Variants in IFFO2 observed in about 807,000 individuals in gnomAD.
The protein encoded by IFFO2 is intermediate filament family orphan 2.
Under a neutral mutation model 53.5 loss-of-function variants are expected in IFFO2, and 19 were observed. The ratio of observed to expected loss-of-function variants is 0.36; its 90% CI spans 0.25 to 0.52. The LOEUF (loss-of-function observed/expected upper bound fraction) is 0.52. Among genes scored for constraint, IFFO2 ranks in the 20% least tolerant of loss-of-function variants. IFFO2 has a pLI of 0.94. For synonymous variants in IFFO2, 303 were observed against 313.6 expected, an observed-to-expected ratio of 0.97 and a Z score of 0.36; for missense variants, 570 against 727.4, an observed-to-expected ratio of 0.78 and a Z score of 2.49.
intron 1 of IFFO2, among the ~76,000 whole-genome samples, chr1:18,939,856 G>A (rs574147749): frequency 2.0e-4 from 30 of 152,306 alleles, no homozygotes; most frequent in East Asian, 1.7e-3. Flanking sequence ...GACACTGGAC[G>A]GCCCGTCTCA....
intron 1 of IFFO2, among the ~76,000 whole-genome samples, chr1:18,931,305 C>T (rs1207266169): frequency 6.6e-6 from 1 of 152,152 alleles, no homozygotes; most frequent in Non-Finnish European, 1.5e-5. Context: ...CTCCCCCTAC[C>T]CCTAAAAAAC....
At chr1:18,909,555 C>A (rs544465022) in intron 8 of IFFO2, among the ~76,000 whole-genome samples, 3 of 152,226 alleles carry the variant, frequency 2.0e-5, no homozygotes, top group South Asian at 4.1e-4. Flanking sequence ...GGCGGTTTCC[C>A]CCATCCTGTT....
At chr1:18,932,269 C>T (rs1296406929) in intron 1 of IFFO2, among the ~76,000 whole-genome samples, 1 of 152,254 alleles carries the variant, frequency 6.6e-6, no homozygotes, top group Non-Finnish European at 1.5e-5. Flanking sequence ...CCTTCTCCGC[C>T]TTCCCTGTCA....
At chr1:18,946,432 T>C (rs1243601119) in intron 1 of IFFO2, among the ~76,000 whole-genome samples, 2 of 143,244 alleles carry the variant, frequency 1.4e-5, no homozygotes, top group African/African-American at 2.5e-5. Context: ...TTTTTTTTTT[T>C]GAGATGGAGG....
chr1:18,943,860 C>A (rs1230447578), intron 1 of IFFO2, among the ~76,000 whole-genome samples: 2 of 152,194 alleles, frequency 1.3e-5, no homozygotes, highest in African/African-American at 4.8e-5. Flanking sequence ...ACCCAGATGT[C>A]TGGTCAAGGA....
intron 5 of IFFO2, among the ~76,000 whole-genome samples, chr1:18,915,109 C>G (rs1936112145): frequency 6.6e-6 from 1 of 152,174 alleles, no homozygotes; most frequent in African/African-American, 2.4e-5. Flanking sequence ...CTCTTCCAGG[C>G]ATGGCGTGGG....
chr1:18,924,574 C>G (rs372790894), intron 1 of IFFO2, among the ~76,000 whole-genome samples: 3 of 152,202 alleles, frequency 2.0e-5, no homozygotes, highest in Non-Finnish European at 4.4e-5. Flanking sequence ...AGCCCCAGCC[C>G]ATGGCTGAGC....
intron 1 of IFFO2, among the ~76,000 whole-genome samples, chr1:18,941,461 C>T (rs1233464518): frequency 6.6e-6 from 1 of 152,234 alleles, no homozygotes; most frequent in Non-Finnish European, 1.5e-5. Context: ...AATGCCAAGC[C>T]AGCCTTCAAC....
In IFFO2 at chr1:18,905,963, C is replaced by G. The variant is rs1472580311; in HGVS notation, c.*2598G>C. 6.6e-6 allele frequency: 1 copy of G among 152,220 alleles called. No individual in the cohort carries two copies. Among genetic ancestry groups the G allele is most frequent in the Non-Finnish European group, 1.5e-5 (1 of 68,060 alleles). The allele number at this position is 152,220 out of a possible 1,614,324, so 9.4% of individuals were successfully genotyped here. A position where few individuals can be genotyped will look rare whatever the true frequency, so the allele number is the denominator to read the frequency against. On this transcript the variant is annotated 3_prime_UTR_variant, in exon 9 of 9. Coordinates refer to ENST00000455833, the MANE Select transcript of IFFO2 (RefSeq NM_001136265.2). ...CCAGCTAGGACTGGTGCTGCCCCAG[C>G]GAGCGTTGGGGTCTTTCTTGGCAAG...
At chr1:18,931,145 C>A (rs1936370895) in intron 1 of IFFO2, among the ~76,000 whole-genome samples, 1 of 152,156 alleles carries the variant, frequency 6.6e-6, no homozygotes, top group African/African-American at 2.4e-5. Flanking sequence ...GCACTCCATC[C>A]TGGGTGACAG....
Position 18,912,094 on chromosome 1 carries a change from G to A in IFFO2, c.1104-11C>T, listed in dbSNP as rs1936049606. 2.6e-6 allele frequency: 4 copies of A among 1,551,520 alleles called. No homozygotes were observed. Among genetic ancestry groups the A allele is most frequent in the East Asian group, 2.4e-5 (1 of 40,914 alleles). On this transcript the variant is annotated splice_polypyrimidine_tract_variant and intron_variant, in intron 5 of 8. Transcript: ENST00000455833. Reference sequence around the variant, plus strand: ...TCAAAGGTCTCCCGCCTGTGGGGGTGACACCAGAGGGCATGACTGAACAGA... The same window carrying A: ...TCAAAGGTCTCCCGCCTGTGGGGGTAACACCAGAGGGCATGACTGAACAGA...
At chr1:18,911,507 T>TTTTATTTATTTATTTA (rs71030110) in intron 6 of IFFO2, 31 bp from the exon 7 acceptor site, 9 of 527,896 alleles carry the variant, frequency 1.7e-5, no homozygotes, top group African/African-American at 4.2e-5. Context: ...GGACAGTTTA[T>TTTTATTTATTTATTTA]TTTATTTATT....
intron 6 of IFFO2, 67 bp from the exon 7 acceptor site, chr1:18,911,543 A>ATTTATTTATTTT (rs1936039531): frequency 1.4e-6 from 1 of 729,548 alleles, no homozygotes; most frequent in Non-Finnish European, 1.9e-6. Context: ...TTATTTATTT[A>ATTTATTTATTTT]TTTATTTATT....
intron 1 of IFFO2, among the ~76,000 whole-genome samples, chr1:18,926,179 C>T (rs912287592): frequency 1.3e-5 from 2 of 152,030 alleles, no homozygotes; most frequent in Non-Finnish European, 2.9e-5. Flanking sequence ...TCCTCAGTGC[C>T]CTGATGGCCC....
At chr1:18,932,999 G>T (rs1394895426) in intron 1 of IFFO2, among the ~76,000 whole-genome samples, 1 of 152,246 alleles carries the variant, frequency 6.6e-6, no homozygotes, top group Non-Finnish European at 1.5e-5. Flanking sequence ...CCCAACTCAG[G>T]CTGGCTGCCG....
chr1:18,922,861 C>T (rs1471059739), intron 1 of IFFO2, among the ~76,000 whole-genome samples: 4 of 152,006 alleles, frequency 2.6e-5, no homozygotes, highest in Non-Finnish European at 4.4e-5. Context: ...GCTAGGAGTC[C>T]GGTCCCAGGC....
chr1:18,915,830 A>G (rs899332129), intron 5 of IFFO2, among the ~76,000 whole-genome samples: 7 of 152,196 alleles, frequency 4.6e-5, no homozygotes, highest in African/African-American at 1.7e-4. Flanking sequence ...GGTCTGCTCA[A>G]GAACGGCCCA....
chr1:18,937,036 G>A (rs1936458457), intron 1 of IFFO2, among the ~76,000 whole-genome samples: 1 of 151,974 alleles, frequency 6.6e-6, no homozygotes, highest in Admixed American at 6.6e-5. Context: ...TGAGAAGTCT[G>A]AAGCTCAGAG....
At chr1:18,946,729 T>C (rs1255014085) in intron 1 of IFFO2, among the ~76,000 whole-genome samples, 1 of 152,166 alleles carries the variant, frequency 6.6e-6, no homozygotes, top group African/African-American at 2.4e-5. Flanking sequence ...GGCTTGCCAC[T>C]TTCAAGGTGT....
Sources: gnomAD v4.1 joint callset for allele counts (sites outside exome capture counted in the v4.1 genomes callset) on GRCh38, gnomAD v4.1.1 for gene constraint, MANE v1.5 for transcripts, NCBI Gene and HGNC (gene_info 2026-07-23, HGNC 2026-07-21) for gene names.